The following PLIN4 variants were observed in gnomAD, a reference collection of about 807,000 sequenced individuals.
The protein encoded by PLIN4 is perilipin 4.
A neutral mutation model predicts 52.4 loss-of-function variants in PLIN4; 57 were observed. That is an observed-to-expected ratio of 1.09 (90% CI 0.88 to 1.36). The LOEUF is 1.36. Among genes scored for constraint, PLIN4 ranks in the 40% most tolerant of loss-of-function variants. The pLI, the probability that PLIN4 is intolerant of heterozygous loss-of-function variation, is 0.00. For missense variants in PLIN4, 1,757 were observed against 1,770.3 expected, an observed-to-expected ratio of 0.99 and a Z score of 0.13; for synonymous variants, 826 against 785.4, an observed-to-expected ratio of 1.05 and a Z score of -0.86.
Position 4,512,832 on chromosome 19 carries a change from A to C in PLIN4, c.1128T>G (p.Gly376=), listed in dbSNP as rs753870416. The change falls in exon 5 of 8, where the codon GGT becomes GGG. Residue 376 remains glycine, a synonymous_variant. Transcript: ENST00000301286. ...TGGCCTCTTTGGCCAAGTTCACGGC[A>C]CCGGTCACCCCACTGCAGACAGTGT... ...TKNTVCSGVT[G]AVNLAKEAIQ... The C allele has an allele frequency of 3.8e-6, 6 of 1,562,956 alleles. No individual in the cohort carries two copies. The South Asian group carries it at 6.7e-5, about 17-fold the overall frequency.
In PLIN4 at chr19:4,518,366, T is replaced by G. The variant is rs1976646551; in HGVS notation, c.-18+19A>C. ...CCACACCCACTCCCCACTGAAAGCC[T>G]GAGCAGCCCGACACCCACCTGCAGG... On this transcript the variant is annotated intron_variant, in intron 1 of 7. Transcript: ENST00000301286. 2.4e-6 allele frequency: 3 copies of G among 1,231,726 alleles called. No homozygotes were observed. The highest frequency in any genetic ancestry group is 3.0e-6 in the Non-Finnish European group (3 of 988,028). The allele number at this position is 1,231,726 out of a possible 1,614,324, so 76.3% of individuals were successfully genotyped here.
Position 4,503,653 on chromosome 19 carries a change from G to C in PLIN4, c.*806C>G, listed in dbSNP as rs769810826. 1 of 152,352 alleles carries C rather than the reference G, an allele frequency of 6.6e-6. No homozygotes were observed. The highest frequency in any genetic ancestry group is 1.5e-5 in the Non-Finnish European group (1 of 68,160). 9.4% of individuals were successfully genotyped at this position (152,352 alleles called of 1,614,324 possible). On this transcript the variant is annotated 3_prime_UTR_variant, in exon 8 of 8. Transcript: ENST00000301286. Reference sequence around the variant, plus strand: ...GCAGCTGCTGGGCCCAGCCTCCCCAGGGGCCTCAGAGCCCCAGGTGCCTGG... The same window carrying C: ...GCAGCTGCTGGGCCCAGCCTCCCCACGGGCCTCAGAGCCCCAGGTGCCTGG...
chr19:4,504,659 G>C lies in PLIN4; in HGVS notation c.3916C>G (p.Arg1306Gly). ...AELQQPVGRARHSLCELYGIV... is the reference protein window; with the variant it reads ...AELQQPVGRAGHSLCELYGIV... ...CCATAGAGCTCACAGAGGCTGTGCCGCGCCCGCCCCACTGGCTGCTGGAGC... is the reference window on the plus strand; with the variant it reads ...CCATAGAGCTCACAGAGGCTGTGCCCCGCCCGCCCCACTGGCTGCTGGAGC... The change falls in exon 8 of 8, where the codon CGG becomes GGG. Residue 1306 changes from arginine (R) to glycine (G), a missense_variant. Around this residue, in one of 7 missense-constraint regions of PLIN4, gnomAD observed 712 missense variants for 637.1 expected, o/e 1.12. Transcript: ENST00000301286. 6.2e-7 allele frequency: 1 copy of C among 1,602,546 alleles called. No homozygotes were observed. Among genetic ancestry groups the C allele is most frequent in the South Asian group, 1.1e-5 (1 of 90,230 alleles).
chr19:4,502,243 C>A lies in PLIN4; in HGVS notation c.*2216G>T. The A allele has an allele frequency of 1.6e-6, 1 of 613,366 alleles. No homozygotes were observed. The allele number at this position is 613,366 out of a possible 1,614,324, so 38.0% of individuals were successfully genotyped here. ...TTATTGGCTTGGTTTTCTAGCATTG[C>A]TGGTGCAGTGGGGGCCTGAGCTGGG... On this transcript the variant is annotated 3_prime_UTR_variant, in exon 8 of 8. Coordinates refer to ENST00000301286, the MANE Select transcript of PLIN4 (RefSeq NM_001367868.2).
intron 5 of PLIN4, 68 bp from the exon 6 acceptor site, chr19:4,509,023 G>T: frequency 6.8e-7 from 1 of 1,467,072 alleles, no homozygotes; most frequent in Non-Finnish European, 9.1e-7. Flanking sequence ...TAAAAGTCAA[G>T]TGAGGGCCGG....
rs753309967 is a variant in PLIN4 at position 4,512,237 on chromosome 19, C to A, written c.1723G>T (p.Ala575Ser). 1.9e-6 allele frequency: 3 copies of A among 1,612,908 alleles called. No homozygotes were observed. The highest frequency in any genetic ancestry group is 2.7e-5 in the African/African-American group (2 of 74,310). The change falls in exon 5 of 8, where the codon GCA (alanine) becomes TCA (serine). Residue 575 changes from alanine to serine, a missense_variant. Coordinates refer to ENST00000301286, the MANE Select transcript of PLIN4 (RefSeq NM_001367868.2). ...ACAGCCCCCTTGGCCACATTCGCTG[C>A]CCCCGTGAGCCCAGTGGACATCGTG... ...KDTMSTGLTGAANVAKGAVQT... is the reference protein window; with the variant it reads ...KDTMSTGLTGSANVAKGAVQT...
At position 4,508,893 on chromosome 19, in the gene PLIN4, C is replaced by G. The variant is rs77763884; in HGVS notation, c.3577G>C (p.Val1193Leu). The G allele has an allele frequency of 3.1e-6, 5 of 1,612,954 alleles. No homozygotes were observed. The highest frequency in any genetic ancestry group is 1.7e-5 in the Admixed American group (1 of 59,988). Residue 1193 changes from valine to leucine, a missense_variant, in exon 6 of 8, where the codon GTT becomes CTT. Physicochemically the swap from Val to Leu is conservative, Grantham distance 32 (BLOSUM62 1). Coordinates refer to ENST00000301286, the MANE Select transcript of PLIN4 (RefSeq NM_001367868.2). ...VLSAEQGSYF[V>L]RLGDLGPSFR... is the part of the protein sequence containing the mutation. ...CTGGGACCCAGGTCACCTAAACGAA[C>G]GAAGTAGCTCCCCTGTTCCGCCGAC...
chr19:4,503,158 G>A lies in PLIN4; in HGVS notation c.*1301C>T, dbSNP rs111763657. On this transcript the variant is annotated 3_prime_UTR_variant, in exon 8 of 8. Coordinates refer to ENST00000301286, the MANE Select transcript of PLIN4 (RefSeq NM_001367868.2). ...GCCCCTCACGGCCCCTGGTGCACAC[G>A]GTGACCCCTGGGGCCCCTCCACCCT... is the stretch of plus-strand genomic sequence containing the variant. 0.028 allele frequency: 4,303 copies of A among 152,298 alleles called. 97 individuals carry two copies. The highest frequency in any genetic ancestry group is 0.054 in the African/African-American group (2,243 of 41,518). The allele number at this position is 152,298 out of a possible 1,614,324, so 9.4% of individuals were successfully genotyped here. A position where few individuals can be genotyped will look rare whatever the true frequency, so the allele number is the denominator to read the frequency against.
Position 4,511,962 on chromosome 19 carries a change from G to T in PLIN4, c.1998C>A (p.Thr666=), listed in dbSNP as rs756485292. ...TQNIATGTKN[T]FGSGVTSAVN... Reference sequence around the variant, plus strand: ...CAGCACTGGTCACCCCACTGCCAAAGGTGTTCTTTGTACCTGTCGCGATAT... The same window carrying T: ...CAGCACTGGTCACCCCACTGCCAAATGTGTTCTTTGTACCTGTCGCGATAT... The change falls in exon 5 of 8, where the codon ACC becomes ACA. Residue 666 remains threonine, a synonymous_variant. Coordinates refer to ENST00000301286, the MANE Select transcript of PLIN4 (RefSeq NM_001367868.2). 6.4e-7 allele frequency: 1 copy of T among 1,565,306 alleles called. No homozygotes were observed. Among genetic ancestry groups the T allele is most frequent in the South Asian group, 1.1e-5 (1 of 89,572 alleles).
In PLIN4 at chr19:4,517,787, C is replaced by T. The variant is rs55796149; in HGVS notation, c.52-89G>A. On this transcript the variant is annotated intron_variant, in intron 2 of 7. Coordinates refer to ENST00000301286, the MANE Select transcript of PLIN4 (RefSeq NM_001367868.2). The stretch of plus-strand genomic sequence containing the variant: ...AAGCATCGATTGATCAGCCCAATGC[C>T]GCCCCGGCCCCTTGCTCCTGGGTGA... The T allele has an allele frequency of 3.2e-3, 4,628 of 1,455,854 alleles. 54 individuals are homozygous for T. In the African/African-American group the frequency reaches 0.036, roughly 11 times the overall value. 90.2% of individuals were successfully genotyped at this position (1,455,854 alleles called of 1,614,324 possible). A position where few individuals can be genotyped will look rare whatever the true frequency, so the allele number is the denominator to read the frequency against.
In PLIN4 at chr19:4,505,178, G is replaced by A. The variant is rs538092421; in HGVS notation, c.3703-231C>T. Among the ~76,000 whole-genome samples the A allele has an allele frequency of 7.2e-5, 11 of 152,244 alleles. No homozygotes were observed. In the South Asian group the frequency reaches 2.1e-3, roughly 29 times the overall value. ...CACGTAACACAGTGTCTGTGGGGTC[G>A]TGTCACTCCTCACCCCTAAACCTGT... On this transcript the variant is annotated intron_variant, in intron 6 of 7. Coordinates refer to ENST00000301286, the MANE Select transcript of PLIN4 (RefSeq NM_001367868.2).
Position 4,512,264 on chromosome 19 carries a change from C to G in PLIN4, c.1696G>C (p.Asp566His). The G allele has an allele frequency of 1.9e-6, 3 of 1,612,082 alleles. No individual in the cohort carries two copies. Among genetic ancestry groups the G allele is most frequent in the Non-Finnish European group, 2.5e-6 (3 of 1,179,666 alleles). Residue 566 changes from aspartate to histidine, a missense_variant, in exon 5 of 8, where the codon GAC becomes CAC. This residue lies in a region of PLIN4 where 439 missense variants were observed against 406.4 expected (regional missense o/e 1.08). Coordinates refer to ENST00000301286, the MANE Select transcript of PLIN4 (RefSeq NM_001367868.2). ...CCCGTGAGCCCAGTGGACATCGTGTCTTTTGTACCTATGACCACAGACTTG... is the reference window on the plus strand; with the variant it reads ...CCCGTGAGCCCAGTGGACATCGTGTGTTTTGTACCTATGACCACAGACTTG... Reference protein sequence around the residue: ...TTKSVVIGTKDTMSTGLTGAA... With the variant: ...TTKSVVIGTKHTMSTGLTGAA...
intron 6 of PLIN4, among the ~76,000 whole-genome samples, chr19:4,507,604 T>A (rs1385453685): frequency 1.3e-5 from 2 of 152,018 alleles, no homozygotes; most frequent in African/African-American, 4.8e-5. Context: ...TGGGAGGATC[T>A]CTTGACCCCA....
rs577186600 is a variant in PLIN4 at position 4,509,379 on chromosome 19, G to A, written c.3515-424C>T. 5.4e-5 allele frequency among the ~76,000 whole-genome samples: 8 copies of A among 148,880 alleles called. No homozygotes were observed. In the East Asian group the frequency reaches 1.4e-3, roughly 26 times the overall value. ...CGCCCGTAATCACAGCACATTGGGAGGCCAAGGCGGGTGGATCACCTGGGA... is the reference window on the plus strand; with the variant it reads ...CGCCCGTAATCACAGCACATTGGGAAGCCAAGGCGGGTGGATCACCTGGGA... On this transcript the variant is annotated intron_variant, in intron 5 of 7. Coordinates refer to ENST00000301286, the MANE Select transcript of PLIN4 (RefSeq NM_001367868.2).
chr19:4,509,330 AGTG>A (rs1976212844), intron 5 of PLIN4, among the ~76,000 whole-genome samples: 1 of 147,832 alleles, frequency 6.8e-6, no homozygotes, highest in African/African-American at 2.5e-5. Flanking sequence ...AAAAAAGTTA[AGTG>A]AGGCCAGGCG....
intron 3 of PLIN4, among the ~76,000 whole-genome samples, chr19:4,517,147 A>G (rs560475942): frequency 6.6e-6 from 1 of 152,200 alleles, no homozygotes; most frequent in South Asian, 2.1e-4. Context: ...CTGATCGCCC[A>G]AGCTGAGCCA....
chr19:4,509,846 G>A (rs904570695), intron 5 of PLIN4, among the ~76,000 whole-genome samples: 7 of 151,880 alleles, frequency 4.6e-5, no homozygotes, highest in Non-Finnish European at 8.8e-5. Flanking sequence ...ACTTGAGCCC[G>A]AGAGATTGAG....
intron 5 of PLIN4, among the ~76,000 whole-genome samples, chr19:4,510,060 A>AT (rs113776616): frequency 0.025 from 2,855 of 113,038 alleles, 84 homozygotes; most frequent in African/African-American, 0.093. Context: ...AAATAAATAC[A>AT]TTTTTAAAAA....
Position 4,511,149 on chromosome 19 carries a change from AC to A in PLIN4, c.2810del (p.Gly937ValfsTer3), listed in dbSNP as rs1976302089. On this transcript the variant is annotated frameshift_variant, in exon 5 of 8. Coordinates refer to ENST00000301286, the MANE Select transcript of PLIN4 (RefSeq NM_001367868.2). LOFTEE classifies it high-confidence loss of function. ...CGGTCCCTTTGGCCACATTTACGGC[AC>A]CAGTGACTCCACTGCAGACGGTGTC... The part of the protein sequence containing the change: ...TKDTVCSGVT[G>X]AVNVAKGTVQ... 1.2e-6 allele frequency: 2 copies of A among 1,609,348 alleles called. No homozygotes were observed. The highest frequency in any genetic ancestry group is 2.2e-5 in the South Asian group (2 of 90,826).
Sources: allele counts gnomAD v4.1 joint callset (sites outside exome capture counted in the v4.1 genomes callset), GRCh38; gene constraint gnomAD v4.1.1; regional missense constraint gnomAD v4.1.1; transcripts MANE v1.5; gene names NCBI Gene and HGNC (gene_info 2026-07-23, HGNC 2026-07-21).